The following MYO16 variants were observed in gnomAD, a reference collection of about 807,000 sequenced individuals.
The protein encoded by MYO16 is unconventional myosin-XVI.
In MYO16, 94 loss-of-function variants were observed where a neutral mutation model predicts 205.3. The ratio of observed to expected loss-of-function variants is 0.46; its 90% CI spans 0.39 to 0.54. MYO16 has a LOEUF of 0.54. Among genes scored for constraint, MYO16 ranks in the 20% least tolerant of loss-of-function variants. The pLI is 0.00. For missense variants in MYO16, 2,315 were observed against 2,387.5 expected (o/e 0.97, Z 0.63); for synonymous variants, 988 against 954.0 (o/e 1.04, Z -0.66).
chr13:109,051,261 A>G (rs867419772), intron 24 of MYO16, among the ~76,000 whole-genome samples: 3 of 152,058 alleles, frequency 2.0e-5, no homozygotes, highest in Non-Finnish European at 4.4e-5. Flanking sequence ...TACCTAATGT[A>G]GGGATTTTTT....
the MYO16 span, among the ~76,000 whole-genome samples, chr13:108,577,819 T>G: frequency 6.6e-6 from 1 of 152,334 alleles, no homozygotes; most frequent in Admixed American, 6.5e-5. Flanking sequence ...AAGAAAACTA[T>G]GTATCCATAT....
At chr13:108,636,359 TTTTTTTTTTTTG>T (rs1366844582) in intron 1 of MYO16, among the ~76,000 whole-genome samples, 115 of 96,954 alleles carry the variant, frequency 1.2e-3, no homozygotes, top group African/African-American at 4.8e-3. Context: ...TTTTTTTTTT[TTTTTTTTTTTTG>T]TGTGTGTGTG....
At chr13:108,993,069 A>G (rs573151436) in intron 21 of MYO16, among the ~76,000 whole-genome samples, 20 of 152,308 alleles carry the variant, frequency 1.3e-4, no homozygotes, top group Admixed American at 2.6e-4. Context: ...CAGAGGAGAA[A>G]AGTCAACCTG....
intron 2 of MYO16, among the ~76,000 whole-genome samples, chr13:108,703,674 T>C (rs1302792806): frequency 6.6e-6 from 1 of 152,208 alleles, no homozygotes; most frequent in African/African-American, 2.4e-5. Flanking sequence ...TGCCAATAAA[T>C]TTTAAAAGAA....
intron 23 of MYO16, among the ~76,000 whole-genome samples, chr13:109,026,860 C>G (rs1292038422): frequency 1.3e-5 from 2 of 152,112 alleles, no homozygotes; most frequent in Non-Finnish European, 2.9e-5. Context: ...TTCCAGTTTA[C>G]AAAGTACTTC....
intron 16 of MYO16, among the ~76,000 whole-genome samples, chr13:108,943,013 A>G (rs1882791038): frequency 6.6e-6 from 1 of 152,232 alleles, no homozygotes; most frequent in Non-Finnish European, 1.5e-5. Context: ...GTAAGGAAGC[A>G]TGATTAGTAT....
chr13:108,533,354 G>A, the MYO16 span, among the ~76,000 whole-genome samples: 15 of 152,170 alleles, frequency 9.9e-5, no homozygotes, highest in Admixed American at 6.5e-5. Flanking sequence ...ATGACTCAGG[G>A]TGGGGCTGGC....
chr13:108,785,494 G>C, intron 4 of MYO16, 141 bp from the exon 5 acceptor site: 1 of 476,284 alleles, frequency 2.1e-6, no homozygotes, highest in Non-Finnish European at 3.7e-6. Flanking sequence ...AATAATTCGA[G>C]CTTCCTACCC....
chr13:109,034,432 C>T (rs547555390), intron 23 of MYO16, among the ~76,000 whole-genome samples: 14 of 152,242 alleles, frequency 9.2e-5, no homozygotes, highest in South Asian at 2.1e-4. Flanking sequence ...CTTTCCCCTT[C>T]GCTCAGCACT....
intron 27 of MYO16, among the ~76,000 whole-genome samples, chr13:109,082,809 A>C (rs752272795): frequency 2.6e-5 from 4 of 151,716 alleles, no homozygotes; most frequent in Admixed American, 1.3e-4. Context: ...AAAGAAAAAG[A>C]AAAAAAAGCA....
At chr13:108,942,595 AT>A (rs1372039319) in intron 16 of MYO16, among the ~76,000 whole-genome samples, 1 of 152,210 alleles carries the variant, frequency 6.6e-6, no homozygotes, top group Non-Finnish European at 1.5e-5. Context: ...TCTGTATAAT[AT>A]ATAATAAAAT....
intron 2 of MYO16, among the ~76,000 whole-genome samples, chr13:108,669,815 A>G (rs188992240): frequency 6.6e-6 from 1 of 152,188 alleles, no homozygotes; most frequent in Non-Finnish European, 1.5e-5. Flanking sequence ...CAGCAAACTA[A>G]CACAGGAACA....
At chr13:108,855,649 T>C in intron 11 of MYO16, 96 bp downstream of exon 11, 1 of 792,092 alleles carries the variant, frequency 1.3e-6, no homozygotes, top group East Asian at 2.7e-5. Context: ...AAAGGGCTCA[T>C]TGGAGCTTCT....
chr13:109,035,078 T>C (rs1047410696), intron 23 of MYO16, among the ~76,000 whole-genome samples: 1 of 152,180 alleles, frequency 6.6e-6, no homozygotes, highest in Admixed American at 6.5e-5. Flanking sequence ...TTCCTTCTAC[T>C]TTACCACGCT....
intron 4 of MYO16, among the ~76,000 whole-genome samples, chr13:108,748,277 A>G (rs1479040253): frequency 2.0e-5 from 3 of 152,132 alleles, no homozygotes; most frequent in Non-Finnish European, 2.9e-5. Context: ...AAAAAGTCTC[A>G]GGATTATTTA....
chr13:108,813,985 T>G (rs1305784180), intron 7 of MYO16, among the ~76,000 whole-genome samples: 1 of 152,200 alleles, frequency 6.6e-6, no homozygotes, highest in Non-Finnish European at 1.5e-5. Flanking sequence ...AAGAAAGGAA[T>G]TCCCCTAGTA....
At position 109,018,784 on chromosome 13, in the gene MYO16, G is replaced by A. The variant is rs1280012746; in HGVS notation, c.2596-927G>A. Among the ~76,000 whole-genome samples, 4 of 152,148 alleles carry A rather than the reference G, an allele frequency of 2.6e-5. No individual in the cohort carries two copies. The East Asian group carries it at 7.7e-4, about 29-fold the overall frequency. Reference sequence around the variant, plus strand: ...CGACCCCTTGCACTTCCTGGGTGATGCGATGCCCCGCTCTGCTTCAGCTCA... The same window carrying A: ...CGACCCCTTGCACTTCCTGGGTGATACGATGCCCCGCTCTGCTTCAGCTCA... On this transcript the variant is annotated intron_variant, in intron 22 of 34. Transcript: ENST00000457511.
rs1227424497 is a variant in MYO16, at chr13:109,206,794, C to A, written c.5601C>A (p.Ser1867=). 1.2e-6 allele frequency: 2 copies of A among 1,614,162 alleles called. No individual in the cohort carries two copies. The highest frequency in any genetic ancestry group is 1.7e-6 in the Non-Finnish European group (2 of 1,180,018). ...TTCTGAAGAAGCCGGAAGGGGCCTC[C>A]TGCAACAGGCTGCCGTCTGAGCTCT... ...PSLLKKPEGA[S]CNRLPSELWD... Residue 1867 remains serine, a synonymous_variant, in exon 35 of 35, where the codon TCC becomes TCA. Transcript: ENST00000457511.
At chr13:108,904,234 T>C (rs904206582) in intron 15 of MYO16, among the ~76,000 whole-genome samples, 19 of 152,138 alleles carry the variant, frequency 1.2e-4, no homozygotes, top group African/African-American at 4.3e-4. Flanking sequence ...TCCAGTATTT[T>C]CCCTGATCTG....
Sources: allele counts gnomAD v4.1 joint callset (sites outside exome capture counted in the v4.1 genomes callset), GRCh38; gene constraint gnomAD v4.1.1; transcripts MANE v1.5; gene names NCBI Gene and HGNC (gene_info 2026-07-23, HGNC 2026-07-21).